GHR: variants seen among roughly 807,000 people sequenced by gnomAD.
GHR encodes growth hormone receptor, also known as GH receptor.
Under a neutral mutation model 67.1 loss-of-function variants are expected in GHR, and 35 were observed. The observed-to-expected ratio is 0.52, with a 90% confidence interval of 0.40 to 0.69. The LOEUF (loss-of-function observed/expected upper bound fraction) is 0.69, where lower values mean the gene tolerates loss of function less well. GHR is among the 30% of genes least tolerant of loss of function. The pLI is 0.00. For missense variants in GHR, 792 were observed against 764.6 expected (o/e 1.04, Z -0.42); for synonymous variants, 272 against 269.1 (o/e 1.01, Z -0.10).
chr5:42,530,356 A>C (rs1747911536), intron 1 of GHR, among the ~76,000 whole-genome samples: 1 of 152,180 alleles, frequency 6.6e-6, no homozygotes, highest in Non-Finnish European at 1.5e-5. Flanking sequence ...ACTCAGTCAA[A>C]TTTTCATGAA....
Position 42,719,451 on chromosome 5 carries a change from G to GTAT in GHR, c.*29_*31dup, listed in dbSNP as rs1301575860. Reference sequence around the variant, plus strand: ...CTTTCTTTGGTTTCCCAAGAGCTACGTATTTAATAGCAAAGAATTGACTGG... The same window carrying GTAT: ...CTTTCTTTGGTTTCCCAAGAGCTACGTATTATTTAATAGCAAAGAATTGACTGG... On this transcript the variant is annotated 3_prime_UTR_variant, in exon 10 of 10. Coordinates refer to ENST00000230882, the MANE Select transcript of GHR (RefSeq NM_000163.5). 1.9e-6 allele frequency: 3 copies of GTAT among 1,602,508 alleles called. No individual in the cohort carries two copies. Among genetic ancestry groups the GTAT allele is most frequent in the Non-Finnish European group, 2.6e-6 (3 of 1,175,380 alleles).
intron 3 of GHR, among the ~76,000 whole-genome samples, chr5:42,644,822 T>G (rs1385982608): frequency 6.6e-6 from 1 of 152,264 alleles, no homozygotes; most frequent in Middle Eastern, 3.4e-3. Flanking sequence ...TATTTTCTAT[T>G]TTTATGTTTA....
chr5:42,699,820 A>G lies in GHR; in HGVS notation c.440-4A>G. 6.3e-7 allele frequency: 1 copy of G among 1,598,814 alleles called. No homozygotes were observed. The highest frequency in any genetic ancestry group is 8.6e-7 in the Non-Finnish European group (1 of 1,166,104). ...GTGTACTAATGCTCTGTTGAATTGC[A>G]CAGTGCAACCAGATCCACCCATTGC... is the stretch of plus-strand genomic sequence containing the variant. On this transcript the variant is annotated splice_polypyrimidine_tract_variant and splice_region_variant and intron_variant, in intron 5 of 9. Coordinates refer to ENST00000230882, the MANE Select transcript of GHR (RefSeq NM_000163.5).
chr5:42,463,017 A>T (rs920106225), intron 1 of GHR, among the ~76,000 whole-genome samples: 4 of 152,300 alleles, frequency 2.6e-5, no homozygotes, highest in Middle Eastern at 3.4e-3. Flanking sequence ...GCTATAAAAA[A>T]TAAGGAGGTA....
intron 1 of GHR, chr5:42,467,673 G>T: frequency 2.5e-6 from 4 of 1,600,422 alleles, no homozygotes; most frequent in Non-Finnish European, 3.4e-6. Flanking sequence ...GATGCACATC[G>T]AGCTTTGCAC....
In GHR at chr5:42,444,775, T is replaced by C. The variant is rs1437776516; in HGVS notation, c.-12+20820T>C. On this transcript the variant is annotated intron_variant, in intron 1 of 9. Coordinates refer to ENST00000230882, the MANE Select transcript of GHR (RefSeq NM_000163.5). ...ATTTTTTTCATTCTCTCATTCTTCT[T>C]GTCTTTCGAGGTGGAACTCAAATGC... Among the ~76,000 whole-genome samples the C allele has an allele frequency of 2.0e-5, 3 of 152,368 alleles. No homozygotes were observed. The East Asian group carries it at 5.8e-4, about 29-fold the overall frequency.
At position 42,681,655 on chromosome 5, in the gene GHR, G is replaced by A. The variant is rs557181164; in HGVS notation, c.137-7235G>A. On this transcript the variant is annotated intron_variant, in intron 3 of 9. Coordinates refer to ENST00000230882, the MANE Select transcript of GHR (RefSeq NM_000163.5). ...ATCATGCTACTATAAATACACATGC[G>A]GCCGGGCGTGGTGGCTCATGCCTGT... 9.2e-5 allele frequency among the ~76,000 whole-genome samples: 14 copies of A among 151,908 alleles called. No individual in the cohort carries two copies. In the South Asian group the frequency reaches 1.5e-3, roughly 16 times the overall value.
chr5:42,473,748 G>C (rs1034601530), intron 1 of GHR, among the ~76,000 whole-genome samples: 2 of 151,834 alleles, frequency 1.3e-5, no homozygotes, highest in Admixed American at 1.3e-4. Context: ...ATGGTGGCAT[G>C]CGCCTGTAGT....
At chr5:42,597,103 G>A (rs1246799915) in intron 2 of GHR, among the ~76,000 whole-genome samples, 2 of 152,110 alleles carry the variant, frequency 1.3e-5, no homozygotes, top group African/African-American at 4.8e-5. Flanking sequence ...GGTGGAAGGG[G>A]GGCTCTGGCT....
intron 2 of GHR, among the ~76,000 whole-genome samples, chr5:42,620,279 T>A: frequency 6.6e-6 from 1 of 152,116 alleles, no homozygotes; most frequent in Middle Eastern, 3.4e-3. Flanking sequence ...ATATTATAAG[T>A]AAAATCATAA....
At chr5:42,540,479 T>G (rs1748457553) in intron 1 of GHR, among the ~76,000 whole-genome samples, 1 of 152,186 alleles carries the variant, frequency 6.6e-6, no homozygotes, top group Non-Finnish European at 1.5e-5. Flanking sequence ...ATAAGGATTG[T>G]CCATTTTCTA....
chr5:42,644,009 G>A (rs1754608916), intron 3 of GHR, among the ~76,000 whole-genome samples: 1 of 151,832 alleles, frequency 6.6e-6, no homozygotes, highest in African/African-American at 2.4e-5. Context: ...TTTAAAAGTA[G>A]GCATATTCTA....
intron 1 of GHR, among the ~76,000 whole-genome samples, chr5:42,498,379 C>T (rs1004711458): frequency 1.3e-5 from 2 of 152,174 alleles, no homozygotes; most frequent in East Asian, 3.9e-4. Flanking sequence ...TATTTGTTGA[C>T]TGGATTGACT....
At chr5:42,468,280 C>T (rs913620681) in intron 1 of GHR, 65 of 1,570,458 alleles carry the variant, frequency 4.1e-5, no homozygotes, top group Non-Finnish European at 5.1e-5. Flanking sequence ...CTTCACTGGG[C>T]GGCATGGGCC....
intron 2 of GHR, among the ~76,000 whole-genome samples, chr5:42,584,070 T>C (rs987236727): frequency 1.3e-5 from 2 of 151,912 alleles, no homozygotes; most frequent in Non-Finnish European, 2.9e-5. Context: ...TTTAAGAAGA[T>C]TGTAGTATGT....
intron 2 of GHR, among the ~76,000 whole-genome samples, chr5:42,611,383 A>G (rs1561166663): frequency 6.6e-6 from 1 of 152,146 alleles, no homozygotes; most frequent in Non-Finnish European, 1.5e-5. Flanking sequence ...TTTATCCTGT[A>G]TTTCAATTCA....
intron 1 of GHR, among the ~76,000 whole-genome samples, chr5:42,448,482 A>C (rs1006714758): frequency 1.3e-5 from 2 of 151,418 alleles, no homozygotes; most frequent in African/African-American, 4.9e-5. Flanking sequence ...TTCCTTGTAG[A>C]TTCTGGATAT....
chr5:42,601,175 G>A (rs141029629), intron 2 of GHR, among the ~76,000 whole-genome samples: 4 of 151,552 alleles, frequency 2.6e-5, no homozygotes, highest in Admixed American at 1.3e-4. Flanking sequence ...GATCCGCCCC[G>A]CTCAGCCTCC....
intron 2 of GHR, among the ~76,000 whole-genome samples, chr5:42,625,961 A>T (rs1753680601): frequency 6.6e-6 from 1 of 151,840 alleles, no homozygotes; most frequent in Non-Finnish European, 1.5e-5. Flanking sequence ...ATGTTATGCC[A>T]GAGTCATATT....
Sources: gnomAD v4.1 joint callset for allele counts (sites outside exome capture counted in the v4.1 genomes callset) on GRCh38, gnomAD v4.1.1 for gene constraint, MANE v1.5 for transcripts, NCBI Gene and HGNC (gene_info 2026-07-23, HGNC 2026-07-21) for gene names.